The following SPTBN1 variants were observed in gnomAD, a reference collection of about 807,000 sequenced individuals.
The protein encoded by SPTBN1 is spectrin beta, non-erythrocytic 1, also known as spectrin beta chain, non-erythrocytic 1.
SPTBN1 carries 32 observed loss-of-function variants against 266.4 expected under a neutral mutation model. That is an observed-to-expected ratio of 0.12 (90% CI 0.09 to 0.16). The LOEUF (loss-of-function observed/expected upper bound fraction) is 0.16. Ranked by LOEUF, SPTBN1 falls within the 10% of genes least tolerant of loss-of-function variation. The pLI, the probability that SPTBN1 is intolerant of heterozygous loss-of-function variation, is 1.00. For synonymous variants in SPTBN1, 1,336 were observed against 1,162.2 expected (o/e 1.15, Z -3.04); for missense variants, 2,296 against 3,067.1 (o/e 0.75, Z 5.94).
chr2:54,630,342 T>G (rs1474489939), intron 15 of SPTBN1, among the ~76,000 whole-genome samples: 2 of 152,218 alleles, frequency 1.3e-5, no homozygotes, highest in East Asian at 1.9e-4. Flanking sequence ...GCTATCCATT[T>G]TATAGTAACT....
chr2:54,617,624 A>G lies in SPTBN1; in HGVS notation c.583A>G (p.Ile195Val), dbSNP rs1274894580. ...MKTAGYPNVN[I>V]HNFTTSWRDG... ...CCTTGGCAGGTACCCCAATGTCAAC[A>G]TTCACAATTTCACCACTAGCTGGAG... The change falls in exon 6 of 36, where the codon ATT becomes GTT. Residue 195 changes from isoleucine (I) to valine (V), a missense_variant. Coordinates refer to ENST00000356805, the MANE Select transcript of SPTBN1 (RefSeq NM_003128.3). 1.2e-6 allele frequency: 2 copies of G among 1,614,148 alleles called. No homozygotes were observed. The highest frequency in any genetic ancestry group is 1.1e-5 in the South Asian group (1 of 91,082).
intron 2 of SPTBN1, among the ~76,000 whole-genome samples, chr2:54,596,096 G>A (rs1676069819): frequency 6.6e-6 from 1 of 152,114 alleles, no homozygotes; most frequent in Non-Finnish European, 1.5e-5. Flanking sequence ...GCCCTCTGCT[G>A]CCCCAACACC....
chr2:54,480,950 G>A (rs897373628), intron 1 of SPTBN1, among the ~76,000 whole-genome samples: 1 of 152,070 alleles, frequency 6.6e-6, no homozygotes, highest in Non-Finnish European at 1.5e-5. Context: ...TTGGGGAGGG[G>A]GTTAATTTTG....
chr2:54,492,338 G>GGTTTTTTTTTTTTTTTT (rs1558775035), intron 1 of SPTBN1, among the ~76,000 whole-genome samples: 3 of 118,112 alleles, frequency 2.5e-5, no homozygotes, highest in Non-Finnish European at 1.7e-5. Context: ...TTTGTCTGCA[G>GGTTTTTTTTTTTTTTTT]TTGTTTTTTT....
At chr2:54,486,187 C>T (rs1409398244) in intron 1 of SPTBN1, among the ~76,000 whole-genome samples, 1 of 151,598 alleles carries the variant, frequency 6.6e-6, no homozygotes, top group Non-Finnish European at 1.5e-5. Flanking sequence ...GTGAGGAGCC[C>T]CTCTGCCCGG....
intron 1 of SPTBN1, among the ~76,000 whole-genome samples, chr2:54,480,829 G>A (rs1446642747): frequency 6.6e-6 from 1 of 152,178 alleles, no homozygotes; most frequent in Non-Finnish European, 1.5e-5. Flanking sequence ...ACTTAAGCCA[G>A]CTCTTCTTCC....
At chr2:54,660,328 C>A in intron 32 of SPTBN1, 1 of 1,258,020 alleles carries the variant, frequency 7.9e-7, no homozygotes, top group South Asian at 2.3e-5. Context: ...GATTTTACAG[C>A]GAAACCCTTA....
chr2:54,538,604 A>G (rs991530786), intron 2 of SPTBN1, among the ~76,000 whole-genome samples: 9 of 152,186 alleles, frequency 5.9e-5, no homozygotes, highest in African/African-American at 2.2e-4. Context: ...CTGTATTTTT[A>G]TTAGTTAATC....
intron 33 of SPTBN1, among the ~76,000 whole-genome samples, chr2:54,665,474 C>A (rs1193782111): frequency 6.6e-6 from 1 of 152,188 alleles, no homozygotes; most frequent in Non-Finnish European, 1.5e-5. Context: ...CTGGGTCTGT[C>A]TTTCTGTCAA....
chr2:54,618,587 G>C (rs1028933149), intron 7 of SPTBN1, among the ~76,000 whole-genome samples: 1 of 152,224 alleles, frequency 6.6e-6, no homozygotes, highest in African/African-American at 2.4e-5. Flanking sequence ...AGTCATTGAA[G>C]GTTCTTAGCA....
At chr2:54,477,643 G>A (rs529382535) in intron 1 of SPTBN1, among the ~76,000 whole-genome samples, 56 of 152,290 alleles carry the variant, frequency 3.7e-4, no homozygotes, top group Middle Eastern at 3.4e-3. Flanking sequence ...GCTGGGCGCG[G>A]TGGCTCATGC....
intron 1 of SPTBN1, among the ~76,000 whole-genome samples, chr2:54,471,706 G>T (rs1693926835): frequency 6.6e-6 from 1 of 151,456 alleles, no homozygotes; most frequent in South Asian, 2.1e-4. Flanking sequence ...TAAAATAGCT[G>T]CAGGTTAACA....
chr2:54,578,302 A>G (rs1352855576), intron 2 of SPTBN1, among the ~76,000 whole-genome samples: 3 of 152,354 alleles, frequency 2.0e-5, no homozygotes, highest in African/African-American at 7.2e-5. Flanking sequence ...AGGAAACCAC[A>G]TCTGAAGTTC....
At chr2:54,483,770 A>G (rs907917889) in intron 1 of SPTBN1, among the ~76,000 whole-genome samples, 1 of 152,178 alleles carries the variant, frequency 6.6e-6, no homozygotes, top group Non-Finnish European at 1.5e-5. Context: ...AGTCATTTCA[A>G]AGAGTTTCTC....
intron 1 of SPTBN1, among the ~76,000 whole-genome samples, chr2:54,485,181 T>TCTCCCTCTCC (rs1157804073): frequency 9.4e-5 from 14 of 149,186 alleles, no homozygotes; most frequent in South Asian, 2.2e-4. Context: ...TCCGTCTCCC[T>TCTCCCTCTCC]CTCCGTCTCC....
chr2:54,650,634 A>C (rs551107240), intron 26 of SPTBN1, among the ~76,000 whole-genome samples: 4 of 152,334 alleles, frequency 2.6e-5, no homozygotes, highest in African/African-American at 4.8e-5. Context: ...ATCCCTGATT[A>C]TGTCAAGGGT....
intron 2 of SPTBN1, among the ~76,000 whole-genome samples, chr2:54,567,192 C>T (rs1354280192): frequency 1.3e-5 from 2 of 152,056 alleles, no homozygotes; most frequent in African/African-American, 4.8e-5. Context: ...GGAATCTGTG[C>T]AGGTTCAGGG....
In SPTBN1 at chr2:54,597,817, AC is replaced by A. The variant is rs140262783; in HGVS notation, c.149-1270del. Among the ~76,000 whole-genome samples, 805 of 131,722 alleles carry A rather than the reference AC, an allele frequency of 6.1e-3. 11 individuals are homozygous for A. Among genetic ancestry groups the A allele is most frequent in the African/African-American group, 0.021 (752 of 35,476 alleles). The allele number at this position is 131,722 out of a possible 152,430, so 86.4% of individuals were successfully genotyped here. A position where few individuals can be genotyped will look rare whatever the true frequency, so the allele number is the denominator to read the frequency against. ...TAGCAAGGGTGGCTTTTTAGTTGTT[AC>A]CCCCACCCAGTGGTTTTGAAATACA... is the stretch of plus-strand genomic sequence containing the variant. On this transcript the variant is annotated intron_variant, in intron 2 of 35. Transcript: ENST00000356805.
chr2:54,486,772 G>T (rs1668419507), intron 1 of SPTBN1, among the ~76,000 whole-genome samples: 1 of 150,420 alleles, frequency 6.6e-6, no homozygotes, highest in Admixed American at 6.6e-5. Flanking sequence ...TCTAACCATA[G>T]AAGAAGCTGC....
Sources: gnomAD v4.1 joint callset for allele counts (sites outside exome capture counted in the v4.1 genomes callset) on GRCh38, gnomAD v4.1.1 for gene constraint, MANE v1.5 for transcripts, NCBI Gene and HGNC (gene_info 2026-07-23, HGNC 2026-07-21) for gene names.